YPEL4: variants seen among roughly 807,000 people sequenced by gnomAD.
YPEL4 encodes protein yippee-like 4.
Under a neutral mutation model 16.3 loss-of-function variants are expected in YPEL4, and 5 were observed. The observed-to-expected ratio is 0.31, with a 90% CI of 0.16 to 0.64. The LOEUF (loss-of-function observed/expected upper bound fraction) is 0.64. YPEL4 is among the 30% of genes least tolerant of loss of function. The pLI is 0.79. For missense variants in YPEL4, 127 were observed against 170.0 expected (o/e 0.75, Z 1.41); for synonymous variants, 61 against 60.7 (o/e 1.00, Z -0.02).
chr11:57,645,878 T>A lies in YPEL4; in HGVS notation c.*103A>T, dbSNP rs985612291. On this transcript the variant is annotated 3_prime_UTR_variant, in exon 5 of 5. Coordinates refer to ENST00000300022, the MANE Select transcript of YPEL4 (RefSeq NM_145008.3). Reference sequence around the variant, plus strand: ...AGGGGAGGGGTTGGTTGGAGCCAGGTTTCCCCCAGGGGTGGGGCAGTACTC... The same window carrying A: ...AGGGGAGGGGTTGGTTGGAGCCAGGATTCCCCCAGGGGTGGGGCAGTACTC... The A allele has an allele frequency of 8.2e-6, 10 of 1,213,050 alleles. No individual in the cohort carries two copies. The Admixed American group carries it at 1.7e-4, about 20-fold the overall frequency. The allele number at this position is 1,213,050 out of a possible 1,614,324, so 75.1% of individuals were successfully genotyped here.
chr11:57,647,194 G>A lies in YPEL4; in HGVS notation c.-87C>T. 2.1e-6 allele frequency: 3 copies of A among 1,463,252 alleles called. No homozygotes were observed. The highest frequency in any genetic ancestry group is 2.7e-6 in the Non-Finnish European group (3 of 1,107,042). The allele number at this position is 1,463,252 out of a possible 1,614,324, so 90.6% of individuals were successfully genotyped here. ...AGACGGTCGCAGGTGAAGCAGCGGA[G>A]CAGGTTGGCTAGAGCCGTGTTTCAG... On this transcript the variant is annotated 5_prime_UTR_variant, in exon 2 of 5. Transcript: ENST00000300022. This position sits in a 1 kb window ranked among gnomAD's most constrained non-coding sequence, Gnocchi z 4.2.
intron 3 of YPEL4, 169 bp downstream of exon 3, chr11:57,646,582 T>C: frequency 8.2e-7 from 1 of 1,214,506 alleles, no homozygotes; most frequent in South Asian, 1.4e-5. Flanking sequence ...ATTTCAATTC[T>C]CCCCCGGCTC....
Position 57,645,871 on chromosome 11 carries a change from A to C in YPEL4, c.*110T>G. The C allele has an allele frequency of 1.8e-6, 2 of 1,104,322 alleles. No individual in the cohort carries two copies. The highest frequency in any genetic ancestry group is 4.9e-5 in the East Asian group (2 of 41,228). The allele number at this position is 1,104,322 out of a possible 1,614,324, so 68.4% of individuals were successfully genotyped here. A position where few individuals can be genotyped will look rare whatever the true frequency, so the allele number is the denominator to read the frequency against. On this transcript the variant is annotated 3_prime_UTR_variant, in exon 5 of 5. Coordinates refer to ENST00000300022, the MANE Select transcript of YPEL4 (RefSeq NM_145008.3). Reference sequence around the variant, plus strand: ...TGGAGGCAGGGGAGGGGTTGGTTGGAGCCAGGTTTCCCCCAGGGGTGGGGC... The same window carrying C: ...TGGAGGCAGGGGAGGGGTTGGTTGGCGCCAGGTTTCCCCCAGGGGTGGGGC...
At chr11:57,648,133 G>A (rs1056077573) in intron 1 of YPEL4, 4 of 152,304 alleles carry the variant, frequency 2.6e-5, no homozygotes, top group Non-Finnish European at 5.9e-5. Context: ...CATGTCAGAG[G>A]AGCCTGATTC....
intron 3 of YPEL4, 81 bp from the exon 4 acceptor site, chr11:57,646,486 C>A (rs1945731722): frequency 3.3e-6 from 5 of 1,520,404 alleles, no homozygotes; most frequent in Non-Finnish European, 4.5e-6. Context: ...AAGGGAACTT[C>A]CATCTGGAGA....
In YPEL4 at chr11:57,645,464, C is replaced by T. The variant is rs889862918; in HGVS notation, c.*517G>A. ...ATTTGAGTTTTCCCTGCACTCAAGT[C>T]CTTTTCCCTACAAATAGGGGTAGGA... On this transcript the variant is annotated 3_prime_UTR_variant, in exon 5 of 5. Transcript: ENST00000300022. 7 of 155,566 alleles carry T rather than the reference C, an allele frequency of 4.5e-5. No homozygotes were observed. Among genetic ancestry groups the T allele is most frequent in the African/African-American group, 1.7e-4 (7 of 41,478 alleles). 9.6% of individuals were successfully genotyped at this position (155,566 alleles called of 1,614,324 possible).
In YPEL4 at chr11:57,646,791, A is replaced by C; in HGVS notation, c.145T>G (p.Phe49Val). ...AKHDELISKS[F>V]QGSHGRAYLF... ...TAGGCTCGGCCATGGCTCCCTTGGA[A>C]GGACTGTGGAGACATAGGACAGACA... is the stretch of plus-strand genomic sequence containing the variant. The change falls in exon 3 of 5, where the codon TTC becomes GTC. Residue 49 changes from phenylalanine (F) to valine (V), a missense_variant. Coordinates refer to ENST00000300022, the MANE Select transcript of YPEL4 (RefSeq NM_145008.3). 6.2e-7 allele frequency: 1 copy of C among 1,613,958 alleles called. No homozygotes were observed. The highest frequency in any genetic ancestry group is 8.5e-7 in the Non-Finnish European group (1 of 1,179,974).
Position 57,646,040 on chromosome 11 carries a change from TGTACTTCTGGCTCGTCTCAAAAGC to T in YPEL4, c.301_324del (p.Ala101_Tyr108del). ...ATTTCAATGATGTATTTCCCTTCCT[TGTACTTCTGGCTCGTCTCAAAAGC>T]TTGCTCCTGGTGAAGGAGAAAGCAG... On this transcript the variant is annotated inframe_deletion, in exon 5 of 5. Coordinates refer to ENST00000300022, the MANE Select transcript of YPEL4 (RefSeq NM_145008.3). The T allele has an allele frequency of 6.2e-7, 1 of 1,614,126 alleles. No homozygotes were observed.
rs1021839919 is a variant in YPEL4 at position 57,649,788 on chromosome 11, G to A, written c.-288C>T. On this transcript the variant is annotated 5_prime_UTR_variant, in exon 1 of 5. Transcript: ENST00000300022. ...TCTTCTCTTTCCGCTCCTTCAATTG[G>A]GAAGGGGATGGGGGTGGGTGGGGGG... The A allele has an allele frequency of 2.1e-5, 3 of 144,806 alleles. No individual in the cohort carries two copies. The highest frequency in any genetic ancestry group is 5.1e-5 in the African/African-American group (2 of 39,088). 9.0% of individuals were successfully genotyped at this position (144,806 alleles called of 1,614,324 possible). A position where few individuals can be genotyped will look rare whatever the true frequency, so the allele number is the denominator to read the frequency against.
In YPEL4 at chr11:57,646,545, C is replaced by T. The variant is rs1465936725; in HGVS notation, c.186-140G>A. On this transcript the variant is annotated intron_variant, in intron 3 of 4. Coordinates refer to ENST00000300022, the MANE Select transcript of YPEL4 (RefSeq NM_145008.3). ...ATAATCCACCCCTTTAAGACTAGAG[C>T]CTGGGCCTTCTTTTTCCACCGTTAT... 3.3e-6 allele frequency: 4 copies of T among 1,200,312 alleles called. No individual in the cohort carries two copies. The South Asian group carries it at 5.6e-5, about 17-fold the overall frequency. The allele number at this position is 1,200,312 out of a possible 1,614,324, so 74.4% of individuals were successfully genotyped here.
At chr11:57,646,555 CT>C in intron 3 of YPEL4, 150 bp from the exon 4 acceptor site, 5 of 1,195,578 alleles carry the variant, frequency 4.2e-6, no homozygotes, top group Non-Finnish European at 4.8e-6. Flanking sequence ...CCTGGGCCTT[CT>C]TTTTCCACCG....
rs916314735 is a variant in YPEL4 at position 57,645,348 on chromosome 11, C to G, written c.*633G>C. 6.5e-6 allele frequency: 1 copy of G among 152,952 alleles called. No homozygotes were observed. The highest frequency in any genetic ancestry group is 6.5e-5 in the Admixed American group (1 of 15,310). 9.5% of individuals were successfully genotyped at this position (152,952 alleles called of 1,614,324 possible). On this transcript the variant is annotated 3_prime_UTR_variant, in exon 5 of 5. Transcript: ENST00000300022. ...CCCACCCAATGGCAAAAGTTAGATA[C>G]TCGAAAGTGCCTCTTCAGTGCCAAG...
In YPEL4 at chr11:57,647,415, A is replaced by C; in HGVS notation, c.-184-124T>G. On this transcript the variant is annotated intron_variant, in intron 1 of 4. Transcript: ENST00000300022. The surrounding 1 kb of genome is among the most constrained non-coding windows in gnomAD (Gnocchi z 4.2). ...TTTCCCCATCACCATCGACCCCCCC[A>C]CAGCATCCAGTTGCATTGTCGCCCT... The C allele has an allele frequency of 4.0e-6, 1 of 252,190 alleles. No individual in the cohort carries two copies. Among genetic ancestry groups the C allele is most frequent in the Non-Finnish European group, 7.5e-6 (1 of 132,796 alleles). The allele number at this position is 252,190 out of a possible 1,614,324, so 15.6% of individuals were successfully genotyped here. A position where few individuals can be genotyped will look rare whatever the true frequency, so the allele number is the denominator to read the frequency against.
At position 57,645,692 on chromosome 11, in the gene YPEL4, C is replaced by G. The variant is rs12278162; in HGVS notation, c.*289G>C. ...TCTGCCTGAGTCTATGCCCTGCCATCGCTTCCATGTTCAGGATCTTGGGAA... is the reference window on the plus strand; with the variant it reads ...TCTGCCTGAGTCTATGCCCTGCCATGGCTTCCATGTTCAGGATCTTGGGAA... On this transcript the variant is annotated 3_prime_UTR_variant, in exon 5 of 5. Coordinates refer to ENST00000300022, the MANE Select transcript of YPEL4 (RefSeq NM_145008.3). 1 of 429,518 alleles carries G rather than the reference C, an allele frequency of 2.3e-6. No individual in the cohort carries two copies. The highest frequency in any genetic ancestry group is 4.2e-6 in the Non-Finnish European group (1 of 238,094). 26.6% of individuals were successfully genotyped at this position (429,518 alleles called of 1,614,324 possible). A position where few individuals can be genotyped will look rare whatever the true frequency, so the allele number is the denominator to read the frequency against.
Position 57,645,183 on chromosome 11 carries a change from GC to G in YPEL4, c.*797del, listed in dbSNP as rs1415300478. ...CTGGTGGCAGCCACGGGAAAGACTGGCCCCGTAGCACTGATTTTCCACCTCC... is the reference window on the plus strand; with the variant it reads ...CTGGTGGCAGCCACGGGAAAGACTGGCCCGTAGCACTGATTTTCCACCTCC... On this transcript the variant is annotated 3_prime_UTR_variant, in exon 5 of 5. Coordinates refer to ENST00000300022, the MANE Select transcript of YPEL4 (RefSeq NM_145008.3). The G allele has an allele frequency of 6.6e-6, 1 of 152,162 alleles. No individual in the cohort carries two copies. Among genetic ancestry groups the G allele is most frequent in the African/African-American group, 2.4e-5 (1 of 41,402 alleles). 9.4% of individuals were successfully genotyped at this position (152,162 alleles called of 1,614,324 possible).
In YPEL4 at chr11:57,646,041, G is replaced by T. The variant is rs187613939; in HGVS notation, c.324C>A (p.Tyr108Ter). 6.2e-7 allele frequency: 1 copy of T among 1,614,138 alleles called. No homozygotes were observed. The highest frequency in any genetic ancestry group is 8.5e-7 in the Non-Finnish European group (1 of 1,180,030). The part of the protein sequence containing the change: ...YEQAFETSQK[Y>*]KEGKYIIEMS... ...TTTCAATGATGTATTTCCCTTCCTT[G>T]TACTTCTGGCTCGTCTCAAAAGCTT... Residue 108 changes from tyrosine to a stop codon, truncating the protein, a stop_gained, in exon 5 of 5, where the codon TAC becomes TAA. Transcript: ENST00000300022. LOFTEE classifies it high-confidence loss of function.
chr11:57,646,865 T>C (rs1325787941), intron 2 of YPEL4, 71 bp from the exon 3 acceptor site: 13 of 1,601,976 alleles, frequency 8.1e-6, no homozygotes, highest in African/African-American at 4.0e-5. Context: ...CCCGCAGGGG[T>C]GTGTAGGAGA....
rs1163465243 is a variant in YPEL4 at position 57,647,954 on chromosome 11, C to T, written c.-184-663G>A. The T allele has an allele frequency of 6.6e-6, 1 of 152,314 alleles. No individual in the cohort carries two copies. The highest frequency in any genetic ancestry group is 1.5e-5 in the Non-Finnish European group (1 of 68,150). The allele number at this position is 152,314 out of a possible 1,614,324, so 9.4% of individuals were successfully genotyped here. A position where few individuals can be genotyped will look rare whatever the true frequency, so the allele number is the denominator to read the frequency against. ...GCCCATTCTCGCACCTTGGTTCACT[C>T]ATTCTGGCCCAGAATAAGCACCTGC... On this transcript the variant is annotated intron_variant, in intron 1 of 4. Coordinates refer to ENST00000300022, the MANE Select transcript of YPEL4 (RefSeq NM_145008.3). This position sits in a 1 kb window ranked among gnomAD's most constrained non-coding sequence, Gnocchi z 4.2.
In YPEL4 at chr11:57,646,858, G is replaced by A. The variant is rs140314765; in HGVS notation, c.142-64C>T. The A allele has an allele frequency of 5.0e-4, 798 of 1,605,252 alleles. No homozygotes were observed. The African/African-American group carries it at 7.6e-3, about 15-fold the overall frequency. Reference sequence around the variant, plus strand: ...CTTCAGCCCCACTGCCTGAATCCCCGCAGGGGTGTGTAGGAGAGAGGAAGA... The same window carrying A: ...CTTCAGCCCCACTGCCTGAATCCCCACAGGGGTGTGTAGGAGAGAGGAAGA... On this transcript the variant is annotated intron_variant, in intron 2 of 4. Transcript: ENST00000300022.
Sources: gnomAD v4.1 joint callset for allele counts on GRCh38, gnomAD v4.1.1 for gene constraint, Gnocchi (gnomAD v3.1) non-coding constraint, MANE v1.5 for transcripts, NCBI Gene and HGNC (gene_info 2026-07-23, HGNC 2026-07-21) for gene names.